KIRREL3: variants seen among roughly 807,000 people sequenced by gnomAD.
KIRREL3 encodes the protein kirre like nephrin family adhesion molecule 3.
A neutral mutation model predicts 89.7 loss-of-function variants in KIRREL3; 36 were observed. The ratio of observed to expected loss-of-function variants is 0.40; its 90% CI spans 0.31 to 0.53. The LOEUF is 0.53. KIRREL3 is among the 20% of genes least tolerant of loss of function. The probability of loss-of-function intolerance (pLI) is 0.49; values close to 1 mark genes in which losing one functional copy is unlikely to be tolerated. For missense variants in KIRREL3, 864 were observed against 1,056.6 expected (o/e 0.82, Z 2.53); for synonymous variants, 445 against 441.4 (o/e 1.01, Z -0.10).
In KIRREL3 at chr11:126,817,125, T is replaced by TA. The variant is rs146377213; in HGVS notation, c.55+183329dup. Among the ~76,000 whole-genome samples the TA allele has an allele frequency of 0.036, 5,486 of 151,976 alleles. 118 individuals are homozygous for TA. Among genetic ancestry groups the TA allele is most frequent in the African/African-American group, 0.06 (2,483 of 41,426 alleles). ...ACACTATTAAAATTAATAGGAAAGATAGAAAAATTAAGCAGCTGGACCATG... is the reference window on the plus strand; with the variant it reads ...ACACTATTAAAATTAATAGGAAAGATAAGAAAAATTAAGCAGCTGGACCATG... On this transcript the variant is annotated intron_variant, in intron 1 of 16. Transcript: ENST00000525144. This position sits in a 1 kb window ranked among gnomAD's most constrained non-coding sequence, Gnocchi z 5.7.
intron 1 of KIRREL3, among the ~76,000 whole-genome samples, chr11:126,654,490 A>T (rs1403216388): frequency 3.3e-5 from 5 of 152,142 alleles, no homozygotes; most frequent in African/African-American, 9.7e-5. Flanking sequence ...GAAGACCTCT[A>T]AGAAAGGGGT....
Position 126,449,128 on chromosome 11 carries a change from T to A in KIRREL3, c.878A>T (p.Glu293Val). 1 of 1,613,956 alleles carries A rather than the reference T, an allele frequency of 6.2e-7. No homozygotes were observed. The highest frequency in any genetic ancestry group is 8.5e-7 in the Non-Finnish European group (1 of 1,179,846). Residue 293 changes from glutamate (E) to valine (V), a missense_variant, in exon 8 of 17, where the codon GAG (glutamate) becomes GTG (valine). Glu to Val is a moderately radical substitution (Grantham distance 121). Coordinates refer to ENST00000525144, the MANE Select transcript of KIRREL3 (RefSeq NM_032531.4). The part of the protein sequence containing the change: ...RWAKRGQIIK[E>V]ASGEVYRTTV... ...GGTCCTGTACACCTCTCCAGATGCC[T>A]CCTTGATGATCTGGCCCCGCTTGGC... is the stretch of plus-strand genomic sequence containing the variant.
At chr11:126,646,759 G>A (rs980932225) in intron 1 of KIRREL3, among the ~76,000 whole-genome samples, 1 of 152,136 alleles carries the variant, frequency 6.6e-6, no homozygotes, top group African/African-American at 2.4e-5. Context: ...ACAGGAGTGA[G>A]CCACTGCGCC....
chr11:126,921,720 ATATC>A (rs1351654192), intron 1 of KIRREL3, among the ~76,000 whole-genome samples: 5 of 144,016 alleles, frequency 3.5e-5, no homozygotes, highest in African/African-American at 5.2e-5. Context: ...CTTTCTATCT[ATATC>A]TATCAATCTA....
At chr11:126,667,046 A>G (rs543472074) in intron 1 of KIRREL3, among the ~76,000 whole-genome samples, 1 of 146,168 alleles carries the variant, frequency 6.8e-6, no homozygotes, top group Non-Finnish European at 1.5e-5. Context: ...CATTTTGTAC[A>G]ATTTATTTCA....
rs576156520 is a variant in KIRREL3 at position 126,712,554 on chromosome 11, T to C, written c.56-149642A>G. Among the ~76,000 whole-genome samples, 160 of 152,292 alleles carry C rather than the reference T, an allele frequency of 1.1e-3. 2 individuals are homozygous for C. The South Asian group carries it at 0.024, about 23-fold the overall frequency. ...GAGGAGAAGAGAAAATGGAGGTCTA[T>C]ATTGCCACCTCATTCTCCGGGTGCG... On this transcript the variant is annotated intron_variant, in intron 1 of 16. Transcript: ENST00000525144.
intron 1 of KIRREL3, among the ~76,000 whole-genome samples, chr11:126,711,737 T>C (rs569279375): frequency 6.1e-4 from 93 of 152,322 alleles, no homozygotes; most frequent in African/African-American, 2.2e-3. Flanking sequence ...GGTGAGAATT[T>C]AGTAGGCTCA....
intron 4 of KIRREL3, among the ~76,000 whole-genome samples, chr11:126,493,671 A>AAAT (rs1957586138): frequency 6.6e-6 from 1 of 150,498 alleles, no homozygotes; most frequent in Non-Finnish European, 1.5e-5. Flanking sequence ...AAAAAAAAAA[A>AAAT]AAAAGAGAGA....
Position 126,788,727 on chromosome 11 carries a change from G to A in KIRREL3, c.55+211728C>T, listed in dbSNP as rs992265172. 1.4e-4 allele frequency among the ~76,000 whole-genome samples: 22 copies of A among 152,182 alleles called. No homozygotes were observed. Among genetic ancestry groups the A allele is most frequent in the Admixed American group, 1.2e-3 (18 of 15,276 alleles). ...ACAATTGCTATCAAAGGAACTGATT[G>A]TTTTGATCTGGAAGCCGTCAGAGTT... On this transcript the variant is annotated intron_variant, in intron 1 of 16. Coordinates refer to ENST00000525144, the MANE Select transcript of KIRREL3 (RefSeq NM_032531.4). This position sits in a 1 kb window ranked among gnomAD's most constrained non-coding sequence, Gnocchi z 4.1.
Position 126,602,791 on chromosome 11 carries a change from C to T in KIRREL3, c.56-39879G>A, listed in dbSNP as rs530759446. 5.9e-5 allele frequency among the ~76,000 whole-genome samples: 9 copies of T among 152,262 alleles called. No individual in the cohort carries two copies. The South Asian group carries it at 1.7e-3, about 28-fold the overall frequency. ...CCTGGGCTTGAGCTTGCTGTTCTGT[C>T]GGGGGCAGTTCGCGGGGCTGGGAGG... On this transcript the variant is annotated intron_variant, in intron 1 of 16. Coordinates refer to ENST00000525144, the MANE Select transcript of KIRREL3 (RefSeq NM_032531.4).
At position 126,924,297 on chromosome 11, in the gene KIRREL3, G is replaced by A. The variant is rs1947601890; in HGVS notation, c.55+76158C>T. The stretch of plus-strand genomic sequence containing the variant: ...TCGCTCACTCTCCACACCACAGAGA[G>A]TAATCTTTCAAAGCACAAATGAGGT... On this transcript the variant is annotated intron_variant, in intron 1 of 16. Transcript: ENST00000525144. This position sits in a 1 kb window ranked among gnomAD's most constrained non-coding sequence, Gnocchi z 4.7. Among the ~76,000 whole-genome samples the A allele has an allele frequency of 6.6e-6, 1 of 152,146 alleles. No homozygotes were observed. Among genetic ancestry groups the A allele is most frequent in the Non-Finnish European group, 1.5e-5 (1 of 68,038 alleles).
chr11:126,439,162 C>A (rs998962809), intron 11 of KIRREL3, among the ~76,000 whole-genome samples: 1 of 152,228 alleles, frequency 6.6e-6, no homozygotes, highest in African/African-American at 2.4e-5. Context: ...GAAACCTTAT[C>A]TACTAAAAAT....
At chr11:126,580,002 T>C (rs1941460448) in intron 1 of KIRREL3, among the ~76,000 whole-genome samples, 1 of 152,044 alleles carries the variant, frequency 6.6e-6, no homozygotes, top group Non-Finnish European at 1.5e-5. Flanking sequence ...CCCGCCACCA[T>C]GCCAAGCTAA....
At position 126,754,881 on chromosome 11, in the gene KIRREL3, G is replaced by A. The variant is rs1949442074; in HGVS notation, c.56-191969C>T. On this transcript the variant is annotated intron_variant, in intron 1 of 16. Transcript: ENST00000525144. The surrounding 1 kb of genome is among the most constrained non-coding windows in gnomAD (Gnocchi z 5.1). ...ACATTGATGAAAATTGTACTGAGCA[G>A]CTGCCTGAAAGTTGATGCAGTGGGA... 1.3e-5 allele frequency among the ~76,000 whole-genome samples: 2 copies of A among 152,190 alleles called. No individual in the cohort carries two copies. The highest frequency in any genetic ancestry group is 4.8e-5 in the African/African-American group (2 of 41,434).
rs1002299576 is a variant in KIRREL3 at position 126,460,742 on chromosome 11, G to T, written c.742+2415C>A. On this transcript the variant is annotated intron_variant, in intron 6 of 16. Coordinates refer to ENST00000525144, the MANE Select transcript of KIRREL3 (RefSeq NM_032531.4). The stretch of plus-strand genomic sequence containing the variant: ...GGGCATGAGTGCAGAAGGCCGGGTG[G>T]GCTGTGGTTAGGAGGGCGAGTTTCC... 2.6e-5 allele frequency among the ~76,000 whole-genome samples: 4 copies of T among 152,202 alleles called. No homozygotes were observed. In the South Asian group the frequency reaches 8.3e-4, roughly 31 times the overall value.
chr11:126,928,803 G>A (rs1947822899), intron 1 of KIRREL3, among the ~76,000 whole-genome samples: 1 of 152,180 alleles, frequency 6.6e-6, no homozygotes, highest in African/African-American at 2.4e-5. Context: ...ACGAAGGAGA[G>A]GGAAGAATTA....
At chr11:126,967,823 C>G (rs680346) in intron 1 of KIRREL3, among the ~76,000 whole-genome samples, 138,864 of 151,792 alleles carry the variant, frequency 0.91, 63,684 homozygotes, top group African/African-American at 0.97. Flanking sequence ...GGGGAGGGGG[C>G]TTGCTACAGG....
rs1565715433 is a variant in KIRREL3, at chr11:126,768,175, ATCC to A, written c.56-205266_56-205264del. Among the ~76,000 whole-genome samples, 410 of 39,894 alleles carry A rather than the reference ATCC, an allele frequency of 0.01. 3 individuals are homozygous for A. Among genetic ancestry groups the A allele is most frequent in the African/African-American group, 0.027 (387 of 14,586 alleles). The allele number at this position is 39,894 out of a possible 152,430, so 26.2% of individuals were successfully genotyped here. ...ATCCATCCATCCATCCATCCAATCC[ATCC>A]ATCCATCCATCCATCCATCCATCCA... On this transcript the variant is annotated intron_variant, in intron 1 of 16. Transcript: ENST00000525144. This position sits in a 1 kb window ranked among gnomAD's most constrained non-coding sequence, Gnocchi z 4.5.
chr11:126,976,538 C>T lies in KIRREL3; in HGVS notation c.55+23917G>A, dbSNP rs967797881. Among the ~76,000 whole-genome samples the T allele has an allele frequency of 1.3e-5, 2 of 152,092 alleles. No individual in the cohort carries two copies. Among genetic ancestry groups the T allele is most frequent in the Admixed American group, 1.3e-4 (2 of 15,276 alleles). ...TCTCCTATTTTGCAGTATTTCTTGACTATTATTCACCCAGAATGGTACCAG... is the reference window on the plus strand; with the variant it reads ...TCTCCTATTTTGCAGTATTTCTTGATTATTATTCACCCAGAATGGTACCAG... On this transcript the variant is annotated intron_variant, in intron 1 of 16. Coordinates refer to ENST00000525144, the MANE Select transcript of KIRREL3 (RefSeq NM_032531.4). This position sits in a 1 kb window ranked among gnomAD's most constrained non-coding sequence, Gnocchi z 4.2.
Sources: allele counts gnomAD v4.1 joint callset (sites outside exome capture counted in the v4.1 genomes callset), GRCh38; gene constraint gnomAD v4.1.1; non-coding constraint Gnocchi (gnomAD v3.1); transcripts MANE v1.5; gene names NCBI Gene and HGNC (gene_info 2026-07-23, HGNC 2026-07-21).